Variants in DNAH11 observed in about 807,000 individuals in gnomAD.
The protein encoded by DNAH11 is axonemal beta dynein heavy chain 11.
In DNAH11, 442 loss-of-function variants were observed where a neutral mutation model predicts 526.0. That is an observed-to-expected ratio of 0.84 (90% CI 0.78 to 0.91). The LOEUF (loss-of-function observed/expected upper bound fraction) is 0.91. Ranked by LOEUF, DNAH11 falls within the 40% of genes least tolerant of loss-of-function variation. DNAH11 has a pLI of 0.00. For missense variants in DNAH11, 6,989 were observed against 5,448.7 expected (o/e 1.28, Z -8.90); for synonymous variants, 2,461 against 1,935.9 (o/e 1.27, Z -7.12).
intron 8 of DNAH11, among the ~76,000 whole-genome samples, chr7:21,578,599 G>A (rs889042164): frequency 6.6e-6 from 1 of 152,168 alleles, no homozygotes; most frequent in Non-Finnish European, 1.5e-5. Flanking sequence ...GCTCCACTAG[G>A]TAGTACCCCA....
intron 43 of DNAH11, among the ~76,000 whole-genome samples, chr7:21,720,482 A>G (rs1261213366): frequency 1.4e-5 from 2 of 147,816 alleles, no homozygotes; most frequent in Middle Eastern, 3.5e-3. Context: ...TATTAACTGG[A>G]TTGTTTAAAA....
intron 54 of DNAH11, among the ~76,000 whole-genome samples, chr7:21,764,062 A>G (rs1166380257): frequency 4.6e-5 from 7 of 152,082 alleles, no homozygotes; most frequent in African/African-American, 1.7e-4. Context: ...TTTCCATTCA[A>G]TGGGTGTAGA....
chr7:21,901,578 AAAG>A lies in DNAH11; in HGVS notation c.*325_*327del, dbSNP rs1269171267. On this transcript the variant is annotated 3_prime_UTR_variant, in exon 82 of 82. Transcript: ENST00000409508. ...AACAAGACTCCATCTCAAAAAAAAA[AAAG>A]TACATCATAAAAGTACATCATATGT... The A allele has an allele frequency of 1.1e-5, 2 of 185,620 alleles. No individual in the cohort carries two copies. Among genetic ancestry groups the A allele is most frequent in the Non-Finnish European group, 2.2e-5 (2 of 90,838 alleles). 11.5% of individuals were successfully genotyped at this position (185,620 alleles called of 1,614,324 possible). A position where few individuals can be genotyped will look rare whatever the true frequency, so the allele number is the denominator to read the frequency against.
At chr7:21,746,110 C>G (rs984334484) in intron 51 of DNAH11, among the ~76,000 whole-genome samples, 6 of 152,032 alleles carry the variant, frequency 3.9e-5, no homozygotes, top group African/African-American at 1.4e-4. Context: ...TGGGTTTTAC[C>G]CTGGGGATGA....
Position 21,559,653 on chromosome 7 carries a change from T to C in DNAH11, c.743T>C (p.Ile248Thr), listed in dbSNP as rs1418794279. 3 of 1,612,340 alleles carry C rather than the reference T, an allele frequency of 1.9e-6. No individual in the cohort carries two copies. Among genetic ancestry groups the C allele is most frequent in the Non-Finnish European group, 2.5e-6 (3 of 1,179,234 alleles). The change falls in exon 4 of 82, where the codon ATT becomes ACT. Residue 248 changes from isoleucine to threonine, a missense_variant. Transcript: ENST00000409508. ...IILHAIESVV[I>T]EWSHQIQEII... is the part of the protein sequence containing the mutation. ...CTTCATGCAATTGAATCTGTGGTTA[T>C]TGAATGGTCACATCAAATCCAAGAA...
intron 54 of DNAH11, among the ~76,000 whole-genome samples, chr7:21,751,899 CA>C (rs1330380692): frequency 6.6e-6 from 1 of 152,182 alleles, no homozygotes; most frequent in Admixed American, 6.5e-5. Flanking sequence ...ATACTAGGAT[CA>C]AATTTTCTTT....
At position 21,704,452 on chromosome 7, in the gene DNAH11, A is replaced by C; in HGVS notation, c.6292A>C (p.Arg2098=). Residue 2098 remains arginine (R), a synonymous_variant, in exon 38 of 82, where the codon AGG becomes CGG. Transcript: ENST00000409508. ...TTTCTAGGTACTCATGAGAGCATTA[A>C]GGGATTTCAATATGCCCAAAATAGT... ...PEDQVLMRAL[R]DFNMPKIVTD... 1 of 1,613,426 alleles carries C rather than the reference A, an allele frequency of 6.2e-7. No individual in the cohort carries two copies.
chr7:21,739,624 C>T lies in DNAH11; in HGVS notation c.7865C>T (p.Ala2622Val), dbSNP rs1785784169. 1 of 1,612,810 alleles carries T rather than the reference C, an allele frequency of 6.2e-7. No individual in the cohort carries two copies. The highest frequency in any genetic ancestry group is 8.5e-7 in the Non-Finnish European group (1 of 1,179,440). Residue 2622 changes from alanine (A) to valine (V), a missense_variant, in exon 48 of 82, where the codon GCC (alanine) becomes GTC (valine). By Grantham distance (64) the Ala-to-Val change is moderately conservative (BLOSUM62 0). Transcript: ENST00000409508. ...LKEIHNCQYV[A>V]CMNPMVGSFT... ...GAAATCCATAACTGCCAGTATGTCG[C>T]CTGCATGAATCCGATGGTGGGCAGC...
Position 21,786,706 on chromosome 7 carries a change from C to T in DNAH11, c.9680C>T (p.Ala3227Val). 1.2e-6 allele frequency: 2 copies of T among 1,613,908 alleles called. No individual in the cohort carries two copies. The highest frequency in any genetic ancestry group is 1.7e-6 in the Non-Finnish European group (2 of 1,179,806). Reference sequence around the variant, plus strand: ...ACTGCAGCCGTGATGGTCCTTCTGGCTCCTCGGGGAAGAGTGCCCAAAGAC... The same window carrying T: ...ACTGCAGCCGTGATGGTCCTTCTGGTTCCTCGGGGAAGAGTGCCCAAAGAC... The part of the protein sequence containing the change: ...NVTAAVMVLL[A>V]PRGRVPKDRS... The change falls in exon 59 of 82, where the codon GCT becomes GTT. Residue 3227 changes from alanine to valine, a missense_variant. Coordinates refer to ENST00000409508, the MANE Select transcript of DNAH11 (RefSeq NM_001277115.2).
At position 21,901,440 on chromosome 7, in the gene DNAH11, T is replaced by TGGCACACGACTGTAATCCCA. The variant is rs1267604981; in HGVS notation, c.*188_*207dup. 1.3e-6 allele frequency: 1 copy of TGGCACACGACTGTAATCCCA among 789,318 alleles called. No homozygotes were observed. Among genetic ancestry groups the TGGCACACGACTGTAATCCCA allele is most frequent in the Non-Finnish European group, 1.8e-6 (1 of 568,380 alleles). 48.9% of individuals were successfully genotyped at this position (789,318 alleles called of 1,614,324 possible). On this transcript the variant is annotated 3_prime_UTR_variant, in exon 82 of 82. Transcript: ENST00000409508. ...GAAACTAACTCAGGGCTGAGCGTGG[T>TGGCACACGACTGTAATCCCA]GGCACACGACTGTAATCCCAGTTAC...
chr7:21,862,711 C>T, intron 69 of DNAH11, among the ~76,000 whole-genome samples: 1 of 152,266 alleles, frequency 6.6e-6, no homozygotes, highest in African/African-American at 2.4e-5. Context: ...GTTTCTTACC[C>T]ACACCTTCAG....
Position 21,621,937 on chromosome 7 carries a change from C to G in DNAH11, c.4500+1859C>G, listed in dbSNP as rs140988654. 3.6e-3 allele frequency among the ~76,000 whole-genome samples: 543 copies of G among 152,220 alleles called. 4 individuals are homozygous for G. Among genetic ancestry groups the G allele is most frequent in the African/African-American group, 0.013 (525 of 41,492 alleles). ...ACAGGGATGCCCTCTCTCACCACTC[C>G]TATTCAACATAGTGTTGGAAGTTCT... On this transcript the variant is annotated intron_variant, in intron 25 of 81. Coordinates refer to ENST00000409508, the MANE Select transcript of DNAH11 (RefSeq NM_001277115.2).
At position 21,702,762 on chromosome 7, in the gene DNAH11, G is replaced by T; in HGVS notation, c.6233G>T (p.Gly2078Val). The T allele has an allele frequency of 6.2e-7, 1 of 1,613,572 alleles. No individual in the cohort carries two copies. Among genetic ancestry groups the T allele is most frequent in the South Asian group, 1.1e-5 (1 of 91,022 alleles). The part of the protein sequence containing the change: ...RAIKSVLVVA[G>V]SLKRGDKNRP... The stretch of plus-strand genomic sequence containing the variant: ...ATTAAGTCTGTCTTGGTTGTGGCTG[G>T]ATCTCTGAAACGAGGAGATAAAAAT... Residue 2078 changes from glycine to valine, a missense_variant, in exon 37 of 82, where the codon GGA becomes GTA. Coordinates refer to ENST00000409508, the MANE Select transcript of DNAH11 (RefSeq NM_001277115.2).
chr7:21,674,870 A>G (rs946733518), intron 30 of DNAH11, among the ~76,000 whole-genome samples: 3 of 152,138 alleles, frequency 2.0e-5, no homozygotes, highest in African/African-American at 7.2e-5. Flanking sequence ...AAAAAAAAGA[A>G]CAAAAAACCA....
intron 25 of DNAH11, among the ~76,000 whole-genome samples, chr7:21,629,738 C>T (rs1044379970): frequency 2.0e-5 from 3 of 151,982 alleles, no homozygotes; most frequent in Admixed American, 2.0e-4. Context: ...AGTATAGCTA[C>T]TCTTACTCTT....
chr7:21,573,002 C>T (rs12700287), intron 8 of DNAH11, among the ~76,000 whole-genome samples: 27 of 152,098 alleles, frequency 1.8e-4, no homozygotes, highest in African/African-American at 5.8e-4. Context: ...CGCCGCTGAA[C>T]GAGCTAGTGG....
chr7:21,638,463 G>T (rs1321250527), intron 27 of DNAH11, among the ~76,000 whole-genome samples: 1 of 152,126 alleles, frequency 6.6e-6, no homozygotes, highest in Non-Finnish European at 1.5e-5. Flanking sequence ...ACCAATTCTG[G>T]ATCTTATGAC....
chr7:21,546,511 A>G (rs1428071705), intron 2 of DNAH11, among the ~76,000 whole-genome samples: 3 of 152,148 alleles, frequency 2.0e-5, no homozygotes, highest in African/African-American at 4.8e-5. Flanking sequence ...TTGCTCTACT[A>G]TCTGTGTCTG....
At chr7:21,674,395 C>G (rs1007390410) in intron 30 of DNAH11, among the ~76,000 whole-genome samples, 10 of 152,050 alleles carry the variant, frequency 6.6e-5, no homozygotes, top group Admixed American at 6.6e-4. Flanking sequence ...GGGTCTCGCT[C>G]TGTCACCCAG....
Sources: allele counts gnomAD v4.1 joint callset (sites outside exome capture counted in the v4.1 genomes callset), GRCh38; gene constraint gnomAD v4.1.1; transcripts MANE v1.5; gene names NCBI Gene and HGNC (gene_info 2026-07-23, HGNC 2026-07-21).